The following TMEM94 variants were observed in gnomAD, a reference collection of about 807,000 sequenced individuals.
TMEM94 encodes ER Mg2+ ATPase.
Under a neutral mutation model 158.6 loss-of-function variants are expected in TMEM94, and 81 were observed. That is an observed-to-expected ratio of 0.51 (90% CI 0.43 to 0.61). TMEM94 has a LOEUF of 0.61. Ranked by LOEUF, TMEM94 falls within the 20% of genes least tolerant of loss-of-function variation. The pLI is 0.00. For missense variants in TMEM94, 1,435 were observed against 1,762.0 expected (o/e 0.81, Z 3.32); for synonymous variants, 751 against 730.7 (o/e 1.03, Z -0.45).
chr17:75,478,715 T>G (rs1274189194), intron 2 of TMEM94, among the ~76,000 whole-genome samples: 6 of 152,184 alleles, frequency 3.9e-5, no homozygotes. Context: ...GCCGTGTTAT[T>G]TTCTCCTCTT....
At chr17:75,463,032 AAAAAAATAT>A (rs2050137537) in intron 1 of TMEM94, among the ~76,000 whole-genome samples, 1 of 5,962 alleles carries the variant, frequency 1.7e-4, no homozygotes, top group African/African-American at 9.5e-4. Flanking sequence ...AAAAAAAAAA[AAAAAAATAT>A]ATATATATAT....
chr17:75,487,640 T>A lies in TMEM94; in HGVS notation c.410-292T>A, dbSNP rs536108753. ...TGTTGTTGTCTCCACCTTGCACCCC[T>A]CACAGGCCCTCTGCAATGTTTGTGA... On this transcript the variant is annotated intron_variant, in intron 5 of 31. Transcript: ENST00000314256. The surrounding 1 kb of genome is among the most constrained non-coding windows in gnomAD (Gnocchi z 4.6). 6.6e-6 allele frequency among the ~76,000 whole-genome samples: 1 copy of A among 152,304 alleles called. No individual in the cohort carries two copies. Among genetic ancestry groups the A allele is most frequent in the East Asian group, 1.9e-4 (1 of 5,188 alleles).
rs1385532863 is a variant in TMEM94, at chr17:75,485,533, T to C, written c.130T>C (p.Cys44Arg). Residue 44 changes from cysteine (C) to arginine (R), a missense_variant, in exon 3 of 32, where the codon TGT (cysteine) becomes CGT (arginine). Transcript: ENST00000314256. The surrounding 1 kb of genome is among the most constrained non-coding windows in gnomAD (Gnocchi z 5.5). Reference sequence around the variant, plus strand: ...AGGACATCTCAGGGAGCGGAAGAAGTGTCTGACGTGGAAGGTGAAGCTTCT... The same window carrying C: ...AGGACATCTCAGGGAGCGGAAGAAGCGTCTGACGTGGAAGGTGAAGCTTCT... ...LEGHLRERKK[C>R]LTWKEVWRSS... 1.9e-6 allele frequency: 3 copies of C among 1,614,064 alleles called. No individual in the cohort carries two copies. The highest frequency in any genetic ancestry group is 2.2e-5 in the East Asian group (1 of 44,874).
At position 75,490,690 on chromosome 17, in the gene TMEM94, C is replaced by T. The variant is rs199598980; in HGVS notation, c.1072-12C>T. 26 of 1,613,662 alleles carry T rather than the reference C, an allele frequency of 1.6e-5. No individual in the cohort carries two copies. In the Admixed American group the frequency reaches 4.0e-4, roughly 25 times the overall value. ...TTTTCCTCACTGAGGACCTCACCCT[C>T]TCTCCGTGCAGCTGGCTAAGTTCTC... On this transcript the variant is annotated splice_polypyrimidine_tract_variant and intron_variant, in intron 10 of 31. Coordinates refer to ENST00000314256, the MANE Select transcript of TMEM94 (RefSeq NM_014738.6).
At chr17:75,464,943 C>G (rs1402271517) in intron 1 of TMEM94, among the ~76,000 whole-genome samples, 1 of 151,872 alleles carries the variant, frequency 6.6e-6, no homozygotes, top group East Asian at 1.9e-4. Context: ...AGGTGATCCA[C>G]CCACCTCAGC....
intron 1 of TMEM94, chr17:75,457,651 A>C (rs1460821667): frequency 2.6e-5 from 4 of 152,164 alleles, no homozygotes; most frequent in Admixed American, 2.6e-4. Flanking sequence ...TCTTTTTCTC[A>C]TGATTTATCC....
intron 1 of TMEM94, among the ~76,000 whole-genome samples, chr17:75,466,254 T>C (rs1315425270): frequency 6.6e-6 from 1 of 152,190 alleles, no homozygotes; most frequent in Non-Finnish European, 1.5e-5. Context: ...TTTTTGTATA[T>C]GGTATGAAGT....
At position 75,498,516 on chromosome 17, in the gene TMEM94, C is replaced by T. The variant is rs17854351; in HGVS notation, c.3711C>T (p.Ala1237=). The T allele has an allele frequency of 2.4e-5, 38 of 1,604,982 alleles. No homozygotes were observed. Among genetic ancestry groups the T allele is most frequent in the Middle Eastern group, 1.7e-4 (1 of 6,006 alleles). Residue 1237 remains alanine (A), a synonymous_variant, in exon 29 of 32, where the codon GCC becomes GCT. Transcript: ENST00000314256. The surrounding 1 kb of genome is among the most constrained non-coding windows in gnomAD (Gnocchi z 6.7). ...TGCTGTCGGCTCAGAAGCTCACGGCCGCCCTGATTGTCCTGCACACTGGTG... is the reference window on the plus strand; with the variant it reads ...TGCTGTCGGCTCAGAAGCTCACGGCTGCCCTGATTGTCCTGCACACTGGTG... ...NGLLSAQKLT[A]ALIVLHTVFI... is the part of the protein sequence containing the mutation.
chr17:75,495,210 A>C lies in TMEM94; in HGVS notation c.2729-74A>C. The C allele has an allele frequency of 7.0e-7, 1 of 1,425,332 alleles. No individual in the cohort carries two copies. The allele number at this position is 1,425,332 out of a possible 1,614,324, so 88.3% of individuals were successfully genotyped here. On this transcript the variant is annotated intron_variant, in intron 20 of 31. Transcript: ENST00000314256. This position sits in a 1 kb window ranked among gnomAD's most constrained non-coding sequence, Gnocchi z 5.6. ...GCAGGAAGGAGTGGACACAGGCAAAAAATTCTCTGCAGGGCAAGGACAGGT... is the reference window on the plus strand; with the variant it reads ...GCAGGAAGGAGTGGACACAGGCAAACAATTCTCTGCAGGGCAAGGACAGGT...
At position 75,497,177 on chromosome 17, in the gene TMEM94, G is replaced by A. The variant is rs1234942619; in HGVS notation, c.3386G>A (p.Cys1129Tyr). 1.9e-6 allele frequency: 3 copies of A among 1,613,730 alleles called. No homozygotes were observed. The highest frequency in any genetic ancestry group is 1.3e-5 in the African/African-American group (1 of 74,834). Residue 1129 changes from cysteine (C) to tyrosine (Y), a missense_variant, in exon 26 of 32, where the codon TGC (cysteine) becomes TAC (tyrosine). Physicochemically the swap from Cys to Tyr is radical, Grantham distance 194 (BLOSUM62 -2). Around this residue, in one of 3 missense-constraint regions of TMEM94, gnomAD observed 335 missense variants for 409.1 expected, o/e 0.82. Transcript: ENST00000314256. The stretch of plus-strand genomic sequence containing the variant: ...ACCACCGACATCCTGTGGCTGTCCT[G>A]CTTTTGCTACCCTCTGCTCAGGTGA... ...LSTTDILWLSCFCYPLLSISL... is the reference protein window; with the variant it reads ...LSTTDILWLSYFCYPLLSISL...
rs765705258 is a variant in TMEM94 at position 75,486,344 on chromosome 17, C to G, written c.327C>G (p.Asn109Lys). ...CCTTGTTCCTGTTACTGCTTCTCAA[C>G]CTTGTGCTCATCGGGCGGCAAGACC... ...ASALFLLLLLNLVLIGRQDRL... is the reference protein window; with the variant it reads ...ASALFLLLLLKLVLIGRQDRL... The change falls in exon 5 of 32, where the codon AAC (asparagine) becomes AAG (lysine). Residue 109 changes from asparagine to lysine, a missense_variant. Physicochemically the swap from Asn to Lys is moderately conservative, Grantham distance 94. This residue lies in a region of TMEM94 where 1,051 missense variants were observed against 1,254.4 expected (regional missense o/e 0.84). Transcript: ENST00000314256. The G allele has an allele frequency of 4.3e-6, 7 of 1,614,200 alleles. No individual in the cohort carries two copies. Among genetic ancestry groups the G allele is most frequent in the Non-Finnish European group, 5.9e-6 (7 of 1,180,034 alleles).
Position 75,485,926 on chromosome 17 carries a change from G to T in TMEM94, c.200G>T (p.Trp67Leu), listed in dbSNP as rs900123274. Residue 67 changes from tryptophan (W) to leucine (L), a missense_variant, in exon 4 of 32, where the codon TGG becomes TTG. This residue lies in a region of TMEM94 where 1,051 missense variants were observed against 1,254.4 expected (regional missense o/e 0.84). Coordinates refer to ENST00000314256, the MANE Select transcript of TMEM94 (RefSeq NM_014738.6). The surrounding 1 kb of genome is among the most constrained non-coding windows in gnomAD (Gnocchi z 5.5). ...HHSNRCSCFH[W>L]PGASLMLLAV... The stretch of plus-strand genomic sequence containing the variant: ...AGTAACCGCTGCTCCTGCTTCCACT[G>T]GCCGGGGGCCTCACTCATGCTACTG... 2.5e-6 allele frequency: 4 copies of T among 1,613,756 alleles called. No homozygotes were observed. Among genetic ancestry groups the T allele is most frequent in the Middle Eastern group, 3.3e-4 (2 of 6,048 alleles).
chr17:75,499,613 C>T lies in TMEM94; in HGVS notation c.*279C>T, dbSNP rs961503888. On this transcript the variant is annotated 3_prime_UTR_variant, in exon 32 of 32. Coordinates refer to ENST00000314256, the MANE Select transcript of TMEM94 (RefSeq NM_014738.6). Reference sequence around the variant, plus strand: ...GCCTCAGGCGCTCCCTAGAGGGGCCCTAAACCCCCTCACCTGTGAGCTACC... The same window carrying T: ...GCCTCAGGCGCTCCCTAGAGGGGCCTTAAACCCCCTCACCTGTGAGCTACC... 2.1e-6 allele frequency: 1 copy of T among 469,524 alleles called. No individual in the cohort carries two copies. The highest frequency in any genetic ancestry group is 3.8e-6 in the Non-Finnish European group (1 of 261,876). The allele number at this position is 469,524 out of a possible 1,614,324, so 29.1% of individuals were successfully genotyped here.
At chr17:75,479,832 T>C (rs180674384) in intron 2 of TMEM94, among the ~76,000 whole-genome samples, 22 of 152,260 alleles carry the variant, frequency 1.4e-4, no homozygotes, top group African/African-American at 5.3e-4. Flanking sequence ...GTGAGAGAAT[T>C]ACCTGAGCCT....
chr17:75,486,965 C>T (rs575380974), intron 5 of TMEM94, among the ~76,000 whole-genome samples: 4 of 152,222 alleles, frequency 2.6e-5, no homozygotes, highest in Middle Eastern at 3.4e-3. Flanking sequence ...TTTTGAGGGA[C>T]GGTGGCTCCT....
At position 75,491,476 on chromosome 17, in the gene TMEM94, G is replaced by A. The variant is rs747756180; in HGVS notation, c.1386+21G>A. 18 of 1,613,724 alleles carry A rather than the reference G, an allele frequency of 1.1e-5. No individual in the cohort carries two copies. The highest frequency in any genetic ancestry group is 3.3e-4 in the Middle Eastern group (2 of 6,060). On this transcript the variant is annotated intron_variant, in intron 13 of 31. Coordinates refer to ENST00000314256, the MANE Select transcript of TMEM94 (RefSeq NM_014738.6). This position sits in a 1 kb window ranked among gnomAD's most constrained non-coding sequence, Gnocchi z 5.1. ...CCGAGGTAGAGGAGGAGGTACGGCC[G>A]GCTCCCATGGGCCCGACTCTGGGCC...
At position 75,491,829 on chromosome 17, in the gene TMEM94, A is replaced by G; in HGVS notation, c.1525A>G (p.Ser509Gly). 1 of 1,614,082 alleles carries G rather than the reference A, an allele frequency of 6.2e-7. No individual in the cohort carries two copies. Among genetic ancestry groups the G allele is most frequent in the Non-Finnish European group, 8.5e-7 (1 of 1,180,028 alleles). The change falls in exon 14 of 32, where the codon AGC becomes GGC. Residue 509 changes from serine (S) to glycine (G), a missense_variant. Physicochemically the swap from Ser to Gly is moderately conservative, Grantham distance 56. Around this residue, in one of 3 missense-constraint regions of TMEM94, gnomAD observed 1,051 missense variants for 1,254.4 expected, o/e 0.84. Transcript: ENST00000314256. This position sits in a 1 kb window ranked among gnomAD's most constrained non-coding sequence, Gnocchi z 5.1. ...PYSHHKAHGR[S>G]KHPSGSNVSF... ...TTCACACCACAAAGCGCATGGCCGC[A>G]GCAAACACCCATCTGGCTCCAACGT...
In TMEM94 at chr17:75,495,910, G is replaced by A. The variant is rs573674326; in HGVS notation, c.2945-56G>A. On this transcript the variant is annotated intron_variant, in intron 22 of 31. Transcript: ENST00000314256. This position sits in a 1 kb window ranked among gnomAD's most constrained non-coding sequence, Gnocchi z 5.6. Reference sequence around the variant, plus strand: ...CTCCTGTCCCATGGGTCTCTGCCCAGTGCCCACTTGGTGCTCTGCCTGCCT... The same window carrying A: ...CTCCTGTCCCATGGGTCTCTGCCCAATGCCCACTTGGTGCTCTGCCTGCCT... The A allele has an allele frequency of 1.0e-4, 130 of 1,306,248 alleles. No homozygotes were observed. The highest frequency in any genetic ancestry group is 1.4e-4 in the Non-Finnish European group (126 of 910,776). 80.9% of individuals were successfully genotyped at this position (1,306,248 alleles called of 1,614,324 possible). A position where few individuals can be genotyped will look rare whatever the true frequency, so the allele number is the denominator to read the frequency against.
intron 1 of TMEM94, among the ~76,000 whole-genome samples, chr17:75,462,827 CAAA>C (rs1235590470): frequency 1.9e-5 from 2 of 104,792 alleles, no homozygotes; most frequent in Non-Finnish European, 3.9e-5. Context: ...CTTGTGTCTA[CAAA>C]AAAAAAAAAA....
Sources: gnomAD v4.1 joint callset for allele counts (sites outside exome capture counted in the v4.1 genomes callset) on GRCh38, gnomAD v4.1.1 for gene constraint, gnomAD v4.1.1 regional missense constraint, Gnocchi (gnomAD v3.1) non-coding constraint, MANE v1.5 for transcripts, NCBI Gene and HGNC (gene_info 2026-07-23, HGNC 2026-07-21) for gene names.